The following DENND4C variants were observed in gnomAD, a reference collection of about 807,000 sequenced individuals.
DENND4C encodes DENN domain containing 4C, also known as DENN domain-containing protein 4C.
In DENND4C, 108 loss-of-function variants were observed where a neutral mutation model predicts 203.0. The ratio of observed to expected loss-of-function variants is 0.53; its 90% CI spans 0.46 to 0.62. The LOEUF (loss-of-function observed/expected upper bound fraction) is 0.62. DENND4C is among the 20% of genes least tolerant of loss of function. DENND4C has a pLI of 0.00. For missense variants in DENND4C, 2,481 were observed against 2,301.2 expected (o/e 1.08, Z -1.60); for synonymous variants, 871 against 792.4 (o/e 1.10, Z -1.67).
At chr9:19,353,171 A>G (rs1401861003) in intron 26 of DENND4C, among the ~76,000 whole-genome samples, 1 of 152,240 alleles carries the variant, frequency 6.6e-6, no homozygotes, top group African/African-American at 2.4e-5. Flanking sequence ...GTGCAGTGAA[A>G]TGACCAAATT....
intron 12 of DENND4C, 124 bp downstream of exon 12, chr9:19,316,963 C>T (rs1365667407): frequency 4.5e-6 from 4 of 893,946 alleles, no homozygotes; most frequent in Non-Finnish European, 6.3e-6. Flanking sequence ...TAATGAACCT[C>T]CATGTATTTG....
At chr9:19,337,546 CTG>C (rs1563817744) in intron 20 of DENND4C, 1 of 1,027,232 alleles carries the variant, frequency 9.7e-7, no homozygotes, top group African/African-American at 1.7e-5. Flanking sequence ...GCTTTTTGCT[CTG>C]TGCTGTTTCT....
At chr9:19,245,525 A>G (rs9777477) in intron 1 of DENND4C, among the ~76,000 whole-genome samples, 7 of 148,878 alleles carry the variant, frequency 4.7e-5, no homozygotes, top group Non-Finnish European at 7.4e-5. Flanking sequence ...GAGAACCATT[A>G]CCCTAGACTT....
At chr9:19,237,959 C>T (rs1374325109) in intron 1 of DENND4C, among the ~76,000 whole-genome samples, 1 of 152,046 alleles carries the variant, frequency 6.6e-6, no homozygotes, top group Non-Finnish European at 1.5e-5. Flanking sequence ...TTTCTAACAG[C>T]TTAAATTTAT....
intron 1 of DENND4C, among the ~76,000 whole-genome samples, chr9:19,249,807 G>A (rs1306216589): frequency 6.6e-6 from 1 of 152,076 alleles, no homozygotes; most frequent in Non-Finnish European, 1.5e-5. Context: ...ACAGGCATGT[G>A]CCACAACACC....
At chr9:19,354,547 G>GC (rs1327866103) in intron 26 of DENND4C, among the ~76,000 whole-genome samples, 1 of 120,188 alleles carries the variant, frequency 8.3e-6, no homozygotes, top group Non-Finnish European at 1.7e-5. Flanking sequence ...TGTTATTCTA[G>GC]CCTTTTTTTT....
intron 2 of DENND4C, among the ~76,000 whole-genome samples, chr9:19,286,097 G>A (rs1272024414): frequency 6.6e-6 from 1 of 152,138 alleles, no homozygotes; most frequent in Non-Finnish European, 1.5e-5. Context: ...TGAGGGTATT[G>A]CCAAAGGCAG....
rs1316598618 is a variant in DENND4C at position 19,316,604 on chromosome 9, T to C, written c.1589-17T>C. 1.1e-5 allele frequency: 17 copies of C among 1,609,876 alleles called. No homozygotes were observed. Among genetic ancestry groups the C allele is most frequent in the Admixed American group, 1.7e-5 (1 of 58,960 alleles). On this transcript the variant is annotated splice_polypyrimidine_tract_variant and intron_variant, in intron 11 of 32. Coordinates refer to ENST00000434457, the MANE Select transcript of DENND4C (RefSeq NM_001330640.2). ...ATTTAACATAATACCATTTTCTGTT[T>C]TTATTTCCTTTGTTAGTTCACCAAA...
At chr9:19,297,285 T>C (rs184741406) in intron 6 of DENND4C, among the ~76,000 whole-genome samples, 9 of 152,254 alleles carry the variant, frequency 5.9e-5, no homozygotes, top group Middle Eastern at 3.4e-3. Context: ...GGTTTAAAAA[T>C]AATGCTGTCC....
intron 2 of DENND4C, among the ~76,000 whole-genome samples, chr9:19,282,207 T>C (rs1289294991): frequency 2.0e-5 from 3 of 151,976 alleles, no homozygotes; most frequent in East Asian, 3.8e-4. Context: ...TAAATCCTTA[T>C]TTTATTAAGT....
At chr9:19,283,968 G>A (rs988506470) in intron 2 of DENND4C, among the ~76,000 whole-genome samples, 3 of 152,042 alleles carry the variant, frequency 2.0e-5, no homozygotes, top group African/African-American at 7.2e-5. Context: ...AGATTCATTG[G>A]CTTTCAACTG....
At chr9:19,287,082 A>T in intron 3 of DENND4C, 61 bp downstream of exon 3, 1 of 1,218,622 alleles carries the variant, frequency 8.2e-7, no homozygotes, top group Non-Finnish European at 1.0e-6. Flanking sequence ...TACGTTTTGG[A>T]TTCCTGTTTA....
intron 1 of DENND4C, among the ~76,000 whole-genome samples, chr9:19,259,107 ATGGTACTTTTAG>A (rs1828711588): frequency 6.6e-6 from 1 of 152,034 alleles, no homozygotes; most frequent in Admixed American, 6.6e-5. Flanking sequence ...GAACATTCCA[ATGGTACTTTTAG>A]TTATTTTAAA....
chr9:19,352,619 T>G lies in DENND4C; in HGVS notation c.4735T>G (p.Leu1579Val), dbSNP rs1392332935. ...TTGTCCATTCTGTAAAAGCAACTTC[T>G]TGCCTCTTCTCAATATAGAATTCAA... is the stretch of plus-strand genomic sequence containing the variant. ...TACPFCKSNF[L>V]PLLNIEFKDL... is the part of the protein sequence containing the mutation. Residue 1579 changes from leucine (L) to valine (V), a missense_variant, in exon 26 of 33, where the codon TTG (leucine) becomes GTG (valine). Leu to Val is a conservative substitution (Grantham distance 32). This residue lies in a region of DENND4C where 2,289 missense variants were observed against 2,113.3 expected (regional missense o/e 1.08). Transcript: ENST00000434457. 1 of 1,613,354 alleles carries G rather than the reference T, an allele frequency of 6.2e-7. No individual in the cohort carries two copies. The highest frequency in any genetic ancestry group is 1.1e-5 in the South Asian group (1 of 90,964).
At position 19,358,497 on chromosome 9, in the gene DENND4C, T is replaced by G. The variant is rs1193535320; in HGVS notation, c.5160+337T>G. ...AAATATTTCAGTATGTATCCCTGAA[T>G]GATGAGGACTTTAGAAAAATATAAT... is the stretch of plus-strand genomic sequence containing the variant. On this transcript the variant is annotated intron_variant, in intron 28 of 32. Transcript: ENST00000434457. This position sits in a 1 kb window ranked among gnomAD's most constrained non-coding sequence, Gnocchi z 4.8. 1.3e-5 allele frequency among the ~76,000 whole-genome samples: 2 copies of G among 151,970 alleles called. No homozygotes were observed. Among genetic ancestry groups the G allele is most frequent in the Non-Finnish European group, 2.9e-5 (2 of 68,012 alleles).
chr9:19,271,904 A>G (rs548307535), intron 1 of DENND4C, among the ~76,000 whole-genome samples: 147 of 151,892 alleles, frequency 9.7e-4, no homozygotes, highest in African/African-American at 3.4e-3. Context: ...GAAAACAGAG[A>G]AACAACAGCT....
At chr9:19,252,449 C>T (rs748262478) in intron 1 of DENND4C, among the ~76,000 whole-genome samples, 1 of 152,002 alleles carries the variant, frequency 6.6e-6, no homozygotes, top group Non-Finnish European at 1.5e-5. Context: ...TGTGGTGCTG[C>T]ACATCTGTAG....
At chr9:19,237,301 G>GAGCC (rs1822217371) in intron 1 of DENND4C, among the ~76,000 whole-genome samples, 1 of 151,740 alleles carries the variant, frequency 6.6e-6, no homozygotes, top group Non-Finnish European at 1.5e-5. Context: ...TTACAGGCGT[G>GAGCC]AGCCACCACG....
intron 1 of DENND4C, among the ~76,000 whole-genome samples, chr9:19,248,131 GT>G (rs1192870500): frequency 6.6e-6 from 1 of 151,954 alleles, no homozygotes; most frequent in East Asian, 1.9e-4. Flanking sequence ...GCCCCTCATA[GT>G]TTTTCATCAT....
Sources: allele counts gnomAD v4.1 joint callset (sites outside exome capture counted in the v4.1 genomes callset), GRCh38; gene constraint gnomAD v4.1.1; regional missense constraint gnomAD v4.1.1; non-coding constraint Gnocchi (gnomAD v3.1); transcripts MANE v1.5; gene names NCBI Gene and HGNC (gene_info 2026-07-23, HGNC 2026-07-21).